B3GALT1: variants seen among roughly 807,000 people sequenced by gnomAD.
The protein encoded by B3GALT1 is beta-1,3-galactosyltransferase 1, also known as UDP-Gal:betaGlcNAc beta 1,3-galactosyltransferase, polypeptide 1.
A neutral mutation model predicts 23.2 loss-of-function variants in B3GALT1; 10 were observed. That is an observed-to-expected ratio of 0.43 (90% CI 0.27 to 0.73). B3GALT1 has a LOEUF of 0.73. Among genes scored for constraint, B3GALT1 ranks in the 30% least tolerant of loss-of-function variants. B3GALT1 has a pLI of 0.21. For missense variants in B3GALT1, 299 were observed against 405.4 expected (o/e 0.74, Z 2.25); for synonymous variants, 156 against 141.5 (o/e 1.10, Z -0.73).
intron 2 of B3GALT1, among the ~76,000 whole-genome samples, chr2:167,553,530 T>C (rs1186783522): frequency 6.6e-6 from 1 of 152,134 alleles, no homozygotes; most frequent in African/African-American, 2.4e-5. Context: ...ACATGCAGAA[T>C]CCCATGGCTG....
intron 1 of B3GALT1, among the ~76,000 whole-genome samples, chr2:167,390,778 C>CATTT (rs1448695978): frequency 1.4e-5 from 2 of 139,176 alleles, no homozygotes; most frequent in Non-Finnish European, 3.1e-5. Flanking sequence ...GCAGGTAAAG[C>CATTT]ATTTAGTAAA....
intron 1 of B3GALT1, among the ~76,000 whole-genome samples, chr2:167,377,649 C>CT (rs1697785527): frequency 6.6e-6 from 1 of 152,028 alleles, no homozygotes. Context: ...TGACCCCTGC[C>CT]TTTTTTTGTT....
intron 1 of B3GALT1, among the ~76,000 whole-genome samples, chr2:167,474,338 A>G (rs1005201212): frequency 6.6e-6 from 1 of 152,166 alleles, no homozygotes; most frequent in Non-Finnish European, 1.5e-5. Flanking sequence ...CACATTTACA[A>G]TCTTTTGGTA....
intron 2 of B3GALT1, among the ~76,000 whole-genome samples, chr2:167,540,841 G>A (rs1307622232): frequency 1.3e-5 from 2 of 152,110 alleles, no homozygotes; most frequent in African/African-American, 4.8e-5. Context: ...GAAATATAAA[G>A]GTGACTTCAT....
intron 3 of B3GALT1, among the ~76,000 whole-genome samples, chr2:167,725,057 G>C (rs1687290297): frequency 4.6e-5 from 7 of 152,196 alleles, no homozygotes; most frequent in Admixed American, 4.6e-4. Context: ...ACACTTCATT[G>C]TCAGAGAGGT....
chr2:167,443,649 C>T (rs1020533685), intron 1 of B3GALT1, among the ~76,000 whole-genome samples: 1 of 152,120 alleles, frequency 6.6e-6, no homozygotes, highest in African/African-American at 2.4e-5. Context: ...AATGGGAGTT[C>T]ACTCATGATT....
At chr2:167,345,730 A>G (rs986568708) in intron 1 of B3GALT1, among the ~76,000 whole-genome samples, 10 of 152,178 alleles carry the variant, frequency 6.6e-5, no homozygotes, top group Admixed American at 3.3e-4. Flanking sequence ...CAACTAGTAG[A>G]GACATGTGAT....
intron 3 of B3GALT1, among the ~76,000 whole-genome samples, chr2:167,722,385 C>T (rs1465071281): frequency 6.6e-6 from 1 of 152,138 alleles, no homozygotes; most frequent in Non-Finnish European, 1.5e-5. Context: ...CTGCAATTAC[C>T]CCAAGAGAAA....
chr2:167,562,569 G>A (rs982224008), intron 2 of B3GALT1, among the ~76,000 whole-genome samples: 1 of 151,864 alleles, frequency 6.6e-6, no homozygotes, highest in South Asian at 2.1e-4. Flanking sequence ...CATTGTGTCA[G>A]CCCAAAATCT....
chr2:167,302,206 A>T (rs1468295313), intron 1 of B3GALT1, among the ~76,000 whole-genome samples: 1 of 152,230 alleles, frequency 6.6e-6, no homozygotes, highest in African/African-American at 2.4e-5. Context: ...CTCTTGATTT[A>T]CATTTATAAA....
intron 1 of B3GALT1, among the ~76,000 whole-genome samples, chr2:167,436,832 A>G (rs78697780): frequency 3.3e-5 from 5 of 152,254 alleles, no homozygotes; most frequent in East Asian, 1.9e-4. Context: ...CCTAACTACT[A>G]CATTCATAGT....
intron 1 of B3GALT1, among the ~76,000 whole-genome samples, chr2:167,378,036 A>G (rs888403232): frequency 2.6e-5 from 4 of 152,172 alleles, no homozygotes; most frequent in Admixed American, 2.6e-4. Flanking sequence ...TACTGTTAGC[A>G]CTTGCTTGAC....
At chr2:167,708,865 T>C (rs1270933455) in intron 3 of B3GALT1, among the ~76,000 whole-genome samples, 1 of 152,152 alleles carries the variant, frequency 6.6e-6, no homozygotes, top group African/African-American at 2.4e-5. Flanking sequence ...TCTAGAATAA[T>C]ATAAATAATG....
intron 2 of B3GALT1, chr2:167,558,202 T>A (rs1683889668): frequency 6.6e-6 from 1 of 152,182 alleles, no homozygotes; most frequent in Non-Finnish European, 1.5e-5. Context: ...AAACTACCTT[T>A]AAAGCTAATT....
At chr2:167,717,214 A>C (rs561265927) in intron 3 of B3GALT1, among the ~76,000 whole-genome samples, 1 of 134,836 alleles carries the variant, frequency 7.4e-6, no homozygotes, top group Admixed American at 7.8e-5. Context: ...CTTTCCTTTG[A>C]TTTTTCTTTC....
intron 2 of B3GALT1, among the ~76,000 whole-genome samples, chr2:167,641,869 G>A (rs1685658163): frequency 6.6e-6 from 1 of 152,138 alleles, no homozygotes; most frequent in Non-Finnish European, 1.5e-5. Context: ...TATTCAACTT[G>A]TATCTCCATC....
At chr2:167,502,916 G>A (rs1699867149) in intron 2 of B3GALT1, among the ~76,000 whole-genome samples, 2 of 152,100 alleles carry the variant, frequency 1.3e-5, no homozygotes, top group South Asian at 2.1e-4. Context: ...GCAGGCGCCT[G>A]TAATCTCAGC....
intron 2 of B3GALT1, among the ~76,000 whole-genome samples, chr2:167,585,703 A>C (rs114071704): frequency 2.0e-5 from 3 of 152,218 alleles, no homozygotes. Context: ...AAATGAATAT[A>C]TGTGCTCCAA....
At chr2:167,449,132 G>A (rs901907668) in intron 1 of B3GALT1, among the ~76,000 whole-genome samples, 1 of 152,116 alleles carries the variant, frequency 6.6e-6, no homozygotes, top group Non-Finnish European at 1.5e-5. Context: ...GTTCTGTGAA[G>A]AATGATGATG....
Sources: gnomAD v4.1 joint callset for allele counts (sites outside exome capture counted in the v4.1 genomes callset) on GRCh38, gnomAD v4.1.1 for gene constraint, MANE v1.5 for transcripts, NCBI Gene and HGNC (gene_info 2026-07-23, HGNC 2026-07-21) for gene names.